The following HIBADH variants were observed in gnomAD, a reference collection of about 807,000 sequenced individuals.
The protein encoded by HIBADH is 3-hydroxyisobutyrate dehydrogenase, also known as 3-hydroxyisobutyrate dehydrogenase, mitochondrial.
In HIBADH, 25 loss-of-function variants were observed where a neutral mutation model predicts 36.1. The observed-to-expected ratio is 0.69, with a 90% CI of 0.50 to 0.97. The LOEUF is 0.97. HIBADH is among the 50% of genes least tolerant of loss of function. The probability of loss-of-function intolerance (pLI) is 0.00; values close to 1 mark genes in which losing one functional copy is unlikely to be tolerated. For missense variants in HIBADH, 421 were observed against 418.0 expected (o/e 1.01, Z -0.06); for synonymous variants, 160 against 149.5 (o/e 1.07, Z -0.51).
chr7:27,553,788 A>G (rs1784353758), intron 4 of HIBADH, among the ~76,000 whole-genome samples: 1 of 108,608 alleles, frequency 9.2e-6, no homozygotes, highest in Non-Finnish European at 2.2e-5. Flanking sequence ...CCCCTGGAGA[A>G]TATGATTTTT....
chr7:27,574,600 T>C (rs925610442), intron 4 of HIBADH, among the ~76,000 whole-genome samples: 4 of 152,112 alleles, frequency 2.6e-5, no homozygotes, highest in Non-Finnish European at 5.9e-5. Flanking sequence ...AACTTTATTA[T>C]TGCTGCTCTA....
Position 27,629,381 on chromosome 7 carries a change from AG to A in HIBADH, c.473del (p.Pro158LeufsTer6). 1 of 1,611,100 alleles carries A rather than the reference AG, an allele frequency of 6.2e-7. No homozygotes were observed. Among genetic ancestry groups the A allele is most frequent in the Non-Finnish European group, 8.5e-7 (1 of 1,178,516 alleles). On this transcript the variant is annotated frameshift_variant, in exon 4 of 8. Coordinates refer to ENST00000265395, the MANE Select transcript of HIBADH (RefSeq NM_152740.4). LOFTEE classifies it high-confidence loss of function. The part of the protein sequence containing the change: ...EKMGAVFMDA[P>X]VSGGVGAARS... ...TTAGCTACCACTTACCACCAGAAACAGGGGCATCCATGAAAACTGCTCCCAT... is the reference window on the plus strand; with the variant it reads ...TTAGCTACCACTTACCACCAGAAACAGGGCATCCATGAAAACTGCTCCCAT...
chr7:27,539,468 AGT>A (rs139346777), intron 5 of HIBADH, among the ~76,000 whole-genome samples: 6 of 151,648 alleles, frequency 4.0e-5, no homozygotes, highest in Non-Finnish European at 7.4e-5. Flanking sequence ...GAGGAGAGAG[AGT>A]GTGTGTGTGT....
chr7:27,632,355 C>T lies in HIBADH; in HGVS notation c.343G>A (p.Gly115Arg), dbSNP rs748892312. The change falls in exon 3 of 8, where the codon GGA becomes AGA. Residue 115 changes from glycine to arginine, a missense_variant. Transcript: ENST00000265395. ...TSINAIEAYS[G>R]ANGILKKVKK... is the part of the protein sequence containing the mutation. ...ACATACTTTAGAATCCCATTTGCTC[C>T]GGAATAAGCTTCTATTGCATTGATA... 29 of 1,608,524 alleles carry T rather than the reference C, an allele frequency of 1.8e-5. No individual in the cohort carries two copies. Among genetic ancestry groups the T allele is most frequent in the African/African-American group, 5.4e-5 (4 of 74,756 alleles).
chr7:27,619,812 G>A (rs778682973), intron 4 of HIBADH, among the ~76,000 whole-genome samples: 64 of 152,106 alleles, frequency 4.2e-4, no homozygotes, highest in Admixed American at 2.6e-4. Context: ...CATGACATTT[G>A]GGACAACATA....
intron 1 of HIBADH, among the ~76,000 whole-genome samples, chr7:27,655,222 T>C (rs1786276595): frequency 6.6e-6 from 1 of 152,182 alleles, no homozygotes; most frequent in Non-Finnish European, 1.5e-5. Context: ...AAAAAAAAGC[T>C]AGCCTTTAAG....
intron 4 of HIBADH, among the ~76,000 whole-genome samples, chr7:27,559,284 T>C (rs1486860449): frequency 2.0e-5 from 3 of 152,160 alleles, no homozygotes; most frequent in African/African-American, 7.2e-5. Flanking sequence ...GATTTCAACA[T>C]ATGAATTTTG....
At position 27,579,715 on chromosome 7, in the gene HIBADH, G is replaced by A. The variant is rs147992568; in HGVS notation, c.485-36615C>T. 1.4e-3 allele frequency among the ~76,000 whole-genome samples: 213 copies of A among 152,238 alleles called. 1 individual carries two copies. The highest frequency in any genetic ancestry group is 4.9e-3 in the African/African-American group (204 of 41,534). On this transcript the variant is annotated intron_variant, in intron 4 of 7. Transcript: ENST00000265395. ...CCTGGCAATAGCTTTCCAAGTAAAT[G>A]ACTAACCACATTAATGGTGTTTGTT...
At chr7:27,648,306 G>C (rs962906730) in intron 2 of HIBADH, among the ~76,000 whole-genome samples, 141 of 152,258 alleles carry the variant, frequency 9.3e-4, no homozygotes, top group African/African-American at 3.3e-3. Context: ...TTCAGAGACT[G>C]AACAGGCAGA....
At chr7:27,539,470 T>A (rs1198415000) in intron 5 of HIBADH, among the ~76,000 whole-genome samples, 1 of 149,756 alleles carries the variant, frequency 6.7e-6, no homozygotes, top group East Asian at 2.0e-4. Flanking sequence ...GGAGAGAGAG[T>A]GTGTGTGTGT....
chr7:27,590,193 G>C (rs987247573), intron 4 of HIBADH, among the ~76,000 whole-genome samples: 1 of 152,070 alleles, frequency 6.6e-6, no homozygotes, highest in African/African-American at 2.4e-5. Flanking sequence ...CTCAAAATAA[G>C]CAATGCATTT....
In HIBADH at chr7:27,641,862, C is replaced by T. The variant is rs73284502; in HGVS notation, c.252+7611G>A. ...TCATTCATCTGAATTTCACATTGTC[C>T]CACCTTCCACTGCTGTTAAAATCAA... is the stretch of plus-strand genomic sequence containing the variant. On this transcript the variant is annotated intron_variant, in intron 2 of 7. Coordinates refer to ENST00000265395, the MANE Select transcript of HIBADH (RefSeq NM_152740.4). 4.8e-3 allele frequency among the ~76,000 whole-genome samples: 726 copies of T among 152,230 alleles called. 6 individuals carry two copies. The highest frequency in any genetic ancestry group is 0.017 in the African/African-American group (699 of 41,506).
At position 27,629,351 on chromosome 7, in the gene HIBADH, A is replaced by G. The variant is rs118079418; in HGVS notation, c.484+20T>C. The G allele has an allele frequency of 0.017, 27,646 of 1,607,128 alleles. 310 individuals carry two copies. Among genetic ancestry groups the G allele is most frequent in the Non-Finnish European group, 0.021 (24,689 of 1,176,844 alleles). The stretch of plus-strand genomic sequence containing the variant: ...TTGACAAACATAAATAGGTTTGCAT[A>G]TATTTTAGCTACCACTTACCACCAG... On this transcript the variant is annotated intron_variant, in intron 4 of 7. Coordinates refer to ENST00000265395, the MANE Select transcript of HIBADH (RefSeq NM_152740.4).
At chr7:27,591,343 A>G (rs1321777007) in intron 4 of HIBADH, among the ~76,000 whole-genome samples, 1 of 152,098 alleles carries the variant, frequency 6.6e-6, no homozygotes, top group Non-Finnish European at 1.5e-5. Context: ...CGAGGTCAGG[A>G]GATCGAGACC....
chr7:27,595,204 G>A (rs947898431), intron 4 of HIBADH, among the ~76,000 whole-genome samples: 2 of 152,088 alleles, frequency 1.3e-5, no homozygotes, highest in African/African-American at 2.4e-5. Context: ...ATCTCCCCAC[G>A]CATATTCATA....
At chr7:27,616,612 C>T (rs2128292686) in intron 4 of HIBADH, among the ~76,000 whole-genome samples, 1 of 152,066 alleles carries the variant, frequency 6.6e-6, no homozygotes, top group East Asian at 1.9e-4. Flanking sequence ...CAGGTGCACA[C>T]CACCATGCCC....
chr7:27,582,600 C>G (rs949291630), intron 4 of HIBADH, among the ~76,000 whole-genome samples: 3 of 152,046 alleles, frequency 2.0e-5, no homozygotes, highest in African/African-American at 7.2e-5. Context: ...CTGGGTTTTA[C>G]ATATTTACAT....
chr7:27,602,269 C>T (rs1321456960), intron 4 of HIBADH, among the ~76,000 whole-genome samples: 2 of 151,804 alleles, frequency 1.3e-5, no homozygotes, highest in South Asian at 2.1e-4. Context: ...AACTGACACA[C>T]AAAAGGTACT....
intron 4 of HIBADH, among the ~76,000 whole-genome samples, chr7:27,614,260 G>A (rs541179424): frequency 2.9e-4 from 44 of 152,016 alleles, no homozygotes; most frequent in African/African-American, 7.5e-4. Context: ...AATCACACTC[G>A]CCACAATGGC....
Sources: allele counts gnomAD v4.1 joint callset (sites outside exome capture counted in the v4.1 genomes callset), GRCh38; gene constraint gnomAD v4.1.1; transcripts MANE v1.5; gene names NCBI Gene and HGNC (gene_info 2026-07-23, HGNC 2026-07-21).